Variants in VPS26C observed in about 807,000 individuals in gnomAD.
The protein encoded by VPS26C is VPS26 endosomal protein sorting factor C.
Under a neutral mutation model 30.6 loss-of-function variants are expected in VPS26C, and 19 were observed. The observed-to-expected ratio is 0.62, with a 90% CI of 0.43 to 0.91. The LOEUF (loss-of-function observed/expected upper bound fraction) is 0.91. VPS26C is among the 40% of genes least tolerant of loss of function. The pLI is 0.00. For missense variants in VPS26C, 318 were observed against 385.1 expected (o/e 0.83, Z 1.46); for synonymous variants, 132 against 151.5 (o/e 0.87, Z 0.95).
chr21:37,255,147 G>A (rs1400773803), intron 1 of VPS26C, among the ~76,000 whole-genome samples: 1 of 152,152 alleles, frequency 6.6e-6, no homozygotes, highest in African/African-American at 2.4e-5. Flanking sequence ...TATCATGACT[G>A]TATTTTTTTT....
intron 1 of VPS26C, among the ~76,000 whole-genome samples, chr21:37,259,847 G>C (rs960932789): frequency 1.3e-5 from 2 of 152,148 alleles, no homozygotes; most frequent in African/African-American, 2.4e-5. Flanking sequence ...GTGTACTAAC[G>C]TAACTAGCAT....
At position 37,225,246 on chromosome 21, in the gene VPS26C, C is replaced by A; in HGVS notation, c.*298G>T. ...TGCTGTCACAATTGTTTTACTGTAC[C>A]TAAAAAGGAACAGATAAGGCAAGAG... is the stretch of plus-strand genomic sequence containing the variant. On this transcript the variant is annotated 3_prime_UTR_variant, in exon 8 of 8. Transcript: ENST00000309117. 2.5e-6 allele frequency: 1 copy of A among 405,836 alleles called. No homozygotes were observed. Among genetic ancestry groups the A allele is most frequent in the East Asian group, 4.2e-5 (1 of 23,546 alleles). 25.1% of individuals were successfully genotyped at this position (405,836 alleles called of 1,614,324 possible).
chr21:37,229,548 T>C (rs951311471), intron 5 of VPS26C: 1 of 152,254 alleles, frequency 6.6e-6, no homozygotes, highest in African/African-American at 2.4e-5. Context: ...TTTGGAATTT[T>C]CTGGTAGCCA....
intron 4 of VPS26C, 150 bp from the exon 5 acceptor site, chr21:37,232,601 A>G: frequency 1.6e-6 from 1 of 645,110 alleles, no homozygotes; most frequent in Non-Finnish European, 2.8e-6. Flanking sequence ...TCCTGAACAC[A>G]GTTCTGTCAA....
chr21:37,229,421 A>G (rs1271413363), intron 5 of VPS26C: 2 of 152,174 alleles, frequency 1.3e-5, no homozygotes, highest in African/African-American at 4.8e-5. Flanking sequence ...GACAGAGACA[A>G]TTTTTCTAGG....
chr21:37,228,121 G>A, intron 6 of VPS26C, 102 bp downstream of exon 6: 5 of 1,477,818 alleles, frequency 3.4e-6, no homozygotes, highest in Admixed American at 1.9e-5. Context: ...TTACAGGGGT[G>A]CGCCACTGTG....
rs763661726 is a variant in VPS26C at position 37,224,319 on chromosome 21, T to A, written c.*1225A>T. On this transcript the variant is annotated 3_prime_UTR_variant, in exon 8 of 8. Transcript: ENST00000309117. The stretch of plus-strand genomic sequence containing the variant: ...GGCCAAGACAGGAGGATCACTTGAG[T>A]CTAGGAGTTCAAGACCAGCCTGGGC... 5 of 151,494 alleles carry A rather than the reference T, an allele frequency of 3.3e-5. No homozygotes were observed. The highest frequency in any genetic ancestry group is 7.4e-5 in the Non-Finnish European group (5 of 67,916). The allele number at this position is 151,494 out of a possible 1,614,324, so 9.4% of individuals were successfully genotyped here.
At chr21:37,230,661 C>T (rs7277521) in intron 5 of VPS26C, 5 of 152,398 alleles carry the variant, frequency 3.3e-5, no homozygotes, top group African/African-American at 1.2e-4. Context: ...AGGAACGCCC[C>T]GTGGGGACCA....
In VPS26C at chr21:37,233,532, T is replaced by C; in HGVS notation, c.352-90A>G. On this transcript the variant is annotated intron_variant, in intron 3 of 7. Transcript: ENST00000309117. The surrounding 1 kb of genome is among the most constrained non-coding windows in gnomAD (Gnocchi z 5.2). ...ATTCAAAGAGACAAGTCAGTCAACA[T>C]ATTTTAGGGAAATGTTGTACAATCA... 6.5e-6 allele frequency: 6 copies of C among 924,916 alleles called. No homozygotes were observed. The South Asian group carries it at 8.1e-5, about 12-fold the overall frequency. 57.3% of individuals were successfully genotyped at this position (924,916 alleles called of 1,614,324 possible).
upstream of VPS26C, chr21:37,267,354 GCGCCT>G (rs2086379118): frequency 6.7e-7 from 1 of 1,485,292 alleles, no homozygotes; most frequent in Admixed American, 1.7e-5. Flanking sequence ...GAAACAAGGG[GCGCCT>G]CCCCGCTTCG....
At chr21:37,231,874 T>G (rs1476782559) in intron 5 of VPS26C, 1 of 156,610 alleles carries the variant, frequency 6.4e-6, no homozygotes, top group Non-Finnish European at 1.4e-5. Flanking sequence ...CAGGCGTCTG[T>G]GTCCTCACTG....
intron 3 of VPS26C, among the ~76,000 whole-genome samples, chr21:37,235,725 G>A (rs1022459457): frequency 2.0e-5 from 3 of 151,466 alleles, no homozygotes; most frequent in South Asian, 4.2e-4. Context: ...AAACATGAAC[G>A]CAACATGACT....
In VPS26C at chr21:37,233,915, T is replaced by C. The variant is rs1046427208; in HGVS notation, c.352-473A>G. Reference sequence around the variant, plus strand: ...CTGCAGCGAGACTCCAATGAGATCATGTGTGACAAGCACTCAGCACAGGGC... The same window carrying C: ...CTGCAGCGAGACTCCAATGAGATCACGTGTGACAAGCACTCAGCACAGGGC... On this transcript the variant is annotated intron_variant, in intron 3 of 7. Coordinates refer to ENST00000309117, the MANE Select transcript of VPS26C (RefSeq NM_006052.2). This position sits in a 1 kb window ranked among gnomAD's most constrained non-coding sequence, Gnocchi z 5.2. Among the ~76,000 whole-genome samples, 1 of 152,250 alleles carries C rather than the reference T, an allele frequency of 6.6e-6. No individual in the cohort carries two copies. Among genetic ancestry groups the C allele is most frequent in the Non-Finnish European group, 1.5e-5 (1 of 68,032 alleles).
chr21:37,239,707 G>A lies in VPS26C; in HGVS notation c.201+789C>T, dbSNP rs188360204. ...CAACCTCTGCCTCCTGGGTTCAAGC[G>A]ATTCTCCTGCCTCAGCCTCCCAAGT... is the stretch of plus-strand genomic sequence containing the variant. On this transcript the variant is annotated intron_variant, in intron 2 of 7. Transcript: ENST00000309117. 1.5e-4 allele frequency among the ~76,000 whole-genome samples: 23 copies of A among 151,656 alleles called. 1 individual carries two copies. The highest frequency in any genetic ancestry group is 1.4e-3 in the Admixed American group (22 of 15,208).
At position 37,267,283 on chromosome 21, in the gene VPS26C, G is replaced by A. The variant is rs1231854339; in HGVS notation, c.12C>T (p.Ala4=). The A allele has an allele frequency of 1.9e-6, 3 of 1,610,724 alleles. No homozygotes were observed. The highest frequency in any genetic ancestry group is 2.7e-5 in the African/African-American group (2 of 74,348). Residue 4 remains alanine, a synonymous_variant, in exon 1 of 8, where the codon GCC becomes GCT. Transcript: ENST00000309117. ...TCGCTCTTTTAATCTTGATGTCCAG[G>A]GCGGTCCCCATCTCCAATTCTCCGC... The part of the protein sequence containing the change: MGT[A]LDIKIKRANK...
intron 3 of VPS26C, among the ~76,000 whole-genome samples, chr21:37,235,001 G>C (rs970941107): frequency 6.6e-6 from 1 of 150,870 alleles, no homozygotes; most frequent in Admixed American, 6.6e-5. Context: ...GCGCCACCAT[G>C]GCTGGCTAAT....
At chr21:37,255,431 G>A (rs1241269840) in intron 1 of VPS26C, among the ~76,000 whole-genome samples, 1 of 152,154 alleles carries the variant, frequency 6.6e-6, no homozygotes, top group African/African-American at 2.4e-5. Context: ...AAGGGACCGC[G>A]ACCATCACTG....
At chr21:37,240,713 G>A in intron 1 of VPS26C, 74 bp from the exon 2 acceptor site, 1 of 1,535,072 alleles carries the variant, frequency 6.5e-7, no homozygotes, top group East Asian at 2.3e-5. Flanking sequence ...AGCAAACGTA[G>A]GTCTCCTTCA....
At chr21:37,264,680 G>A (rs1473070791) in intron 1 of VPS26C, among the ~76,000 whole-genome samples, 1 of 152,120 alleles carries the variant, frequency 6.6e-6, no homozygotes, top group African/African-American at 2.4e-5. Flanking sequence ...TGGAAAAATT[G>A]GAACCGTCAT....
Sources: gnomAD v4.1 joint callset for allele counts (sites outside exome capture counted in the v4.1 genomes callset) on GRCh38, gnomAD v4.1.1 for gene constraint, Gnocchi (gnomAD v3.1) non-coding constraint, MANE v1.5 for transcripts, NCBI Gene and HGNC (gene_info 2026-07-23, HGNC 2026-07-21) for gene names.